The following WAC variants were observed in gnomAD, a reference collection of about 807,000 sequenced individuals.
WAC encodes WW domain containing adaptor with coiled-coil, also known as WW domain-containing adapter protein with coiled-coil.
WAC carries 11 observed loss-of-function variants against 79.6 expected under a neutral mutation model. The ratio of observed to expected loss-of-function variants is 0.14; its 90% CI spans 0.09 to 0.23. WAC has a LOEUF of 0.23. Among genes scored for constraint, WAC ranks in the 10% least tolerant of loss-of-function variants. The pLI is 1.00. For missense variants in WAC, 728 were observed against 773.5 expected (o/e 0.94, Z 0.70); for synonymous variants, 304 against 276.9 (o/e 1.10, Z -0.97).
chr10:28,533,194 GAA>G lies in WAC; in HGVS notation c.-385_-384del. 5.8e-6 allele frequency: 1 copy of G among 171,292 alleles called. No individual in the cohort carries two copies. The highest frequency in any genetic ancestry group is 1.2e-5 in the Non-Finnish European group (1 of 81,432). The allele number at this position is 171,292 out of a possible 1,614,324, so 10.6% of individuals were successfully genotyped here. On this transcript the variant is annotated 5_prime_UTR_variant, in exon 1 of 14. Coordinates refer to ENST00000354911, the MANE Select transcript of WAC (RefSeq NM_016628.5). ...GGCGGCGGCGGGAGGAGGAGGAGGA[GAA>G]GAAGGACCAGGCGGCGGCAGCAGCG... is the stretch of plus-strand genomic sequence containing the variant.
intron 3 of WAC, among the ~76,000 whole-genome samples, chr10:28,568,549 T>A (rs925162474): frequency 1.3e-5 from 2 of 149,354 alleles, no homozygotes; most frequent in African/African-American, 2.4e-5. Flanking sequence ...CCAGGCTAAT[T>A]TTTTTTTTTT....
At position 28,595,894 on chromosome 10, in the gene WAC, G is replaced by C. The variant is rs1281631030; in HGVS notation, c.772G>C (p.Ala258Pro). ...HPIKPVVHPT[A>P]TPSTVPSSPF... ...CATCAAACCAGTGGTTCATCCAACT[G>C]CTACCCCAAGCACTGTTCCTTCTAG... The change falls in exon 7 of 14, where the codon GCT (alanine) becomes CCT (proline). Residue 258 changes from alanine (A) to proline (P), a missense_variant. Transcript: ENST00000354911. 2.5e-6 allele frequency: 4 copies of C among 1,614,006 alleles called. No homozygotes were observed. The highest frequency in any genetic ancestry group is 3.4e-6 in the Non-Finnish European group (4 of 1,180,028).
intron 13 of WAC, chr10:28,618,155 A>C (rs1327652479): frequency 6.2e-6 from 1 of 160,080 alleles, no homozygotes; most frequent in Non-Finnish European, 1.4e-5. Context: ...AAAGTATAGA[A>C]AGAATTTGTC....
rs1323942286 is a variant in WAC, at chr10:28,533,156, C to T, written c.-424C>T. Reference sequence around the variant, plus strand: ...GTAGTTGGTGGAGCGGCAGCGGCGGCACCAGCGGCGGCGGCGGCGGCGGGA... The same window carrying T: ...GTAGTTGGTGGAGCGGCAGCGGCGGTACCAGCGGCGGCGGCGGCGGCGGGA... On this transcript the variant is annotated 5_prime_UTR_variant, in exon 1 of 14. Coordinates refer to ENST00000354911, the MANE Select transcript of WAC (RefSeq NM_016628.5). 3.0e-5 allele frequency: 5 copies of T among 167,946 alleles called. No individual in the cohort carries two copies. Among genetic ancestry groups the T allele is most frequent in the African/African-American group, 7.2e-5 (3 of 41,482 alleles). 10.4% of individuals were successfully genotyped at this position (167,946 alleles called of 1,614,324 possible). A position where few individuals can be genotyped will look rare whatever the true frequency, so the allele number is the denominator to read the frequency against.
At chr10:28,549,919 G>C (rs906552243) in intron 3 of WAC, among the ~76,000 whole-genome samples, 5 of 152,102 alleles carry the variant, frequency 3.3e-5, no homozygotes, top group Non-Finnish European at 5.9e-5. Flanking sequence ...ACTCCCAGCA[G>C]TTTGAGGTCC....
intron 3 of WAC, among the ~76,000 whole-genome samples, chr10:28,567,320 G>A (rs1388864018): frequency 6.6e-6 from 1 of 151,382 alleles, no homozygotes; most frequent in Non-Finnish European, 1.5e-5. Context: ...TGTTTGTTTT[G>A]AGTGGATCCA....
At chr10:28,555,163 A>C (rs781514903) in intron 3 of WAC, among the ~76,000 whole-genome samples, 1 of 151,048 alleles carries the variant, frequency 6.6e-6, no homozygotes, top group Admixed American at 6.6e-5. Flanking sequence ...CCAACCTTCT[A>C]CTCTTCAGTA....
Position 28,595,820 on chromosome 10 carries a change from GACTGCC to G in WAC, c.700_705del (p.Leu234_Pro235del). ...AGCAGACACAATGACAGAGACTACA[GACTGCC>G]AAGAGCAGAGACTCACAGTAGTTCT... On this transcript the variant is annotated inframe_deletion, in exon 7 of 14. Transcript: ENST00000354911. 1 of 1,614,088 alleles carries G rather than the reference GACTGCC, an allele frequency of 6.2e-7. No individual in the cohort carries two copies. Among genetic ancestry groups the G allele is most frequent in the Non-Finnish European group, 8.5e-7 (1 of 1,180,002 alleles).
intron 7 of WAC, among the ~76,000 whole-genome samples, chr10:28,606,057 T>G (rs1256372573): frequency 2.2e-4 from 1 of 4,522 alleles, no homozygotes; most frequent in African/African-American, 1.1e-3. Context: ...GTTTTTTGGT[T>G]TTTTTTTTTT....
intron 3 of WAC, among the ~76,000 whole-genome samples, chr10:28,546,891 A>G (rs1476612693): frequency 4.6e-5 from 7 of 151,212 alleles, no homozygotes; most frequent in Non-Finnish European, 7.4e-5. Context: ...ACCCAAATCT[A>G]TTAAGGGTAT....
At chr10:28,536,455 A>G (rs1004213804) in intron 3 of WAC, among the ~76,000 whole-genome samples, 9 of 152,262 alleles carry the variant, frequency 5.9e-5, no homozygotes, top group South Asian at 2.1e-4. Flanking sequence ...TCTAATTACA[A>G]TGATAAACTA....
At chr10:28,540,934 T>C (rs1362279561) in intron 3 of WAC, among the ~76,000 whole-genome samples, 1 of 152,200 alleles carries the variant, frequency 6.6e-6, no homozygotes, top group Non-Finnish European at 1.5e-5. Context: ...TGCATGTAAA[T>C]TGTTAAATTT....
At chr10:28,549,035 C>A (rs1311865672) in intron 3 of WAC, among the ~76,000 whole-genome samples, 1 of 152,092 alleles carries the variant, frequency 6.6e-6, no homozygotes, top group African/African-American at 2.4e-5. Flanking sequence ...AGTAGTTGAG[C>A]CTGCAGGCAT....
chr10:28,553,608 AT>A (rs1385092685), intron 3 of WAC, among the ~76,000 whole-genome samples: 1 of 152,106 alleles, frequency 6.6e-6, no homozygotes, highest in Non-Finnish European at 1.5e-5. Flanking sequence ...GCCGTTTAAG[AT>A]TGAGGGAAGG....
intron 3 of WAC, among the ~76,000 whole-genome samples, chr10:28,552,722 T>G (rs1467125952): frequency 6.6e-6 from 1 of 152,132 alleles, no homozygotes; most frequent in African/African-American, 2.4e-5. Flanking sequence ...TAGAGAGTAT[T>G]GTTAACTCGA....
At chr10:28,600,128 G>A (rs1840567888) in intron 7 of WAC, among the ~76,000 whole-genome samples, 1 of 152,090 alleles carries the variant, frequency 6.6e-6, no homozygotes, top group South Asian at 2.1e-4. Context: ...TGATTTATTA[G>A]CAGAGATAAA....
chr10:28,612,533 T>TA (rs769614343), intron 10 of WAC, among the ~76,000 whole-genome samples: 1 of 152,208 alleles, frequency 6.6e-6, no homozygotes, highest in Non-Finnish European at 1.5e-5. Flanking sequence ...GTCTAAATGG[T>TA]AAATGTAGGG....
chr10:28,536,275 TTAA>T (rs1836667099), intron 3 of WAC, among the ~76,000 whole-genome samples: 2 of 151,904 alleles, frequency 1.3e-5, no homozygotes, highest in Non-Finnish European at 2.9e-5. Context: ...ACTTTAGTGT[TTAA>T]TAATAAGGGA....
chr10:28,609,877 T>A (rs934338558), intron 8 of WAC, among the ~76,000 whole-genome samples: 3 of 151,660 alleles, frequency 2.0e-5, no homozygotes, highest in African/African-American at 7.3e-5. Flanking sequence ...ATAGTTAATG[T>A]CAATAATAAA....
Sources: allele counts gnomAD v4.1 joint callset (sites outside exome capture counted in the v4.1 genomes callset), GRCh38; gene constraint gnomAD v4.1.1; transcripts MANE v1.5; gene names NCBI Gene and HGNC (gene_info 2026-07-23, HGNC 2026-07-21).